Variants in ARID2 observed in about 807,000 individuals in gnomAD.
ARID2 encodes AT-rich interactive domain-containing protein 2.
A neutral mutation model predicts 184.6 loss-of-function variants in ARID2; 32 were observed. That is an observed-to-expected ratio of 0.17 (90% CI 0.13 to 0.23). The LOEUF is 0.23. ARID2 is among the 10% of genes least tolerant of loss of function. The probability of loss-of-function intolerance (pLI) is 1.00; values close to 1 mark genes in which losing one functional copy is unlikely to be tolerated. For missense variants in ARID2, 1,696 were observed against 2,197.6 expected (o/e 0.77, Z 4.56); for synonymous variants, 836 against 772.6 (o/e 1.08, Z -1.36).
At chr12:45,832,024 CCA>C (rs764583318) in intron 6 of ARID2, among the ~76,000 whole-genome samples, 6 of 152,092 alleles carry the variant, frequency 3.9e-5, no homozygotes, top group Non-Finnish European at 7.4e-5. Flanking sequence ...TTCCTCCTCC[CCA>C]CAGTCTGCCT....
At chr12:45,854,368 A>G (rs1286803020) in intron 15 of ARID2, among the ~76,000 whole-genome samples, 1 of 152,178 alleles carries the variant, frequency 6.6e-6, no homozygotes, top group Non-Finnish European at 1.5e-5. Context: ...ATTGTCCTCC[A>G]TGAAACCGGT....
At chr12:45,843,621 T>C (rs1943391636) in intron 11 of ARID2, among the ~76,000 whole-genome samples, 1 of 152,114 alleles carries the variant, frequency 6.6e-6, no homozygotes, top group Non-Finnish European at 1.5e-5. Context: ...TCTCATGAGA[T>C]GCAGATGCTG....
chr12:45,899,651 G>A (rs1412427320), intron 20 of ARID2, among the ~76,000 whole-genome samples: 4 of 74,994 alleles, frequency 5.3e-5, no homozygotes, highest in Admixed American at 1.7e-4. Context: ...ATATATATTT[G>A]GTTATATATA....
chr12:45,772,682 G>A (rs1001888378), intron 3 of ARID2, among the ~76,000 whole-genome samples: 2 of 152,138 alleles, frequency 1.3e-5, no homozygotes, highest in Non-Finnish European at 2.9e-5. Flanking sequence ...TAAAAAAATT[G>A]CAGTTCATTA....
chr12:45,734,590 A>G (rs1451368077), intron 3 of ARID2, among the ~76,000 whole-genome samples: 1 of 151,896 alleles, frequency 6.6e-6, no homozygotes, highest in Non-Finnish European at 1.5e-5. Flanking sequence ...AAAAAAAATT[A>G]AATGGCTTAG....
rs2136462923 is a variant in ARID2, at chr12:45,893,647, A to T, written c.5289A>T (p.Pro1763=). The change falls in exon 20 of 21, where the codon CCA becomes CCT. Residue 1763 remains proline (P), a synonymous_variant. Coordinates refer to ENST00000334344, the MANE Select transcript of ARID2 (RefSeq NM_152641.4). ...TTTTTAAGGATGAAAAAGAGGGACC[A>T]ATAACTAAACACATCCGACTAACAG... ...FRDFTDEKEG[P]ITKHIRLTAA... 1 of 1,606,260 alleles carries T rather than the reference A, an allele frequency of 6.2e-7. No homozygotes were observed. Among genetic ancestry groups the T allele is most frequent in the East Asian group, 2.2e-5 (1 of 44,810 alleles).
At position 45,867,884 on chromosome 12, in the gene ARID2, C is replaced by G. The variant is rs1012301316; in HGVS notation, c.4922+6935C>G. Among the ~76,000 whole-genome samples the G allele has an allele frequency of 4.6e-5, 7 of 152,154 alleles. 1 individual carries two copies. Among genetic ancestry groups the G allele is most frequent in the Admixed American group, 2.0e-4 (3 of 15,270 alleles). On this transcript the variant is annotated intron_variant, in intron 16 of 20. Transcript: ENST00000334344. ...GGGATTACAGGCATGAGCCACTGCA[C>G]CTGACCACTCTATGGGTTTTGACAA... is the stretch of plus-strand genomic sequence containing the variant.
At chr12:45,765,974 C>T (rs1236752026) in intron 3 of ARID2, among the ~76,000 whole-genome samples, 1 of 151,956 alleles carries the variant, frequency 6.6e-6, no homozygotes, top group Non-Finnish European at 1.5e-5. Context: ...GAAATTGATC[C>T]ATGTTGTTTC....
At chr12:45,899,674 TATATGGTTA>T (rs1944425452) in intron 20 of ARID2, among the ~76,000 whole-genome samples, 3 of 73,610 alleles carry the variant, frequency 4.1e-5, no homozygotes, top group Non-Finnish European at 9.5e-5. Flanking sequence ...TATATGGTTA[TATATGGTTA>T]TATATATATG....
At chr12:45,834,272 T>C (rs981279733) in intron 6 of ARID2, among the ~76,000 whole-genome samples, 18 of 152,172 alleles carry the variant, frequency 1.2e-4, no homozygotes, top group African/African-American at 4.1e-4. Flanking sequence ...TTTTTTTTTT[T>C]CTACCCCATG....
At chr12:45,875,081 C>G (rs148466033) in intron 16 of ARID2, among the ~76,000 whole-genome samples, 30 of 152,244 alleles carry the variant, frequency 2.0e-4, no homozygotes, top group African/African-American at 7.2e-4. Context: ...GGAGATGTAC[C>G]ACTACACTCC....
chr12:45,831,757 T>C (rs1050948045), intron 6 of ARID2, among the ~76,000 whole-genome samples: 1 of 152,220 alleles, frequency 6.6e-6, no homozygotes, highest in Non-Finnish European at 1.5e-5. Flanking sequence ...AATCATCAAC[T>C]GTAATTATGA....
intron 11 of ARID2, chr12:45,842,287 A>G (rs1443620398): frequency 1.3e-5 from 2 of 150,956 alleles, no homozygotes; most frequent in Non-Finnish European, 3.0e-5. Flanking sequence ...ATACACACAC[A>G]TATGTGTGTG....
intron 16 of ARID2, among the ~76,000 whole-genome samples, chr12:45,868,092 G>A (rs898426467): frequency 7.2e-5 from 11 of 152,134 alleles, no homozygotes; most frequent in East Asian, 1.9e-4. Flanking sequence ...CGTGTCATTT[G>A]CTCATTCTTT....
intron 16 of ARID2, among the ~76,000 whole-genome samples, chr12:45,863,030 GA>G (rs1943775419): frequency 6.6e-6 from 1 of 152,114 alleles, no homozygotes; most frequent in Middle Eastern, 3.2e-3. Context: ...AGTCCTGAGG[GA>G]CACAGACCAA....
In ARID2 at chr12:45,730,095, C is replaced by T. The variant is rs1373206642; in HGVS notation, c.144C>T (p.His48=). 1 of 1,613,614 alleles carries T rather than the reference C, an allele frequency of 6.2e-7. No individual in the cohort carries two copies. Residue 48 remains histidine, a synonymous_variant, in exon 2 of 21, where the codon CAC becomes CAT. Transcript: ENST00000334344. The stretch of plus-strand genomic sequence containing the variant: ...TGGGTGGGAAGGAGCTGGATCTTCA[C>T]GGTCTCTACACCAGAGTCACTACTT... ...PAVGGKELDL[H]GLYTRVTTLG... is the part of the protein sequence containing the mutation.
At chr12:45,870,333 A>G (rs962263350) in intron 16 of ARID2, among the ~76,000 whole-genome samples, 3 of 152,150 alleles carry the variant, frequency 2.0e-5, no homozygotes, top group Admixed American at 1.3e-4. Context: ...GGAAAAATCG[A>G]GCAGACAGAA....
chr12:45,738,153 G>A (rs1186410376), intron 3 of ARID2, among the ~76,000 whole-genome samples: 1 of 151,770 alleles, frequency 6.6e-6, no homozygotes, highest in Non-Finnish European at 1.5e-5. Context: ...GAATTTACTG[G>A]ATGCTTGTTT....
Position 45,837,312 on chromosome 12 carries a change from T to C in ARID2, c.1024-9T>C, listed in dbSNP as rs752792739. 1 of 1,590,612 alleles carries C rather than the reference T, an allele frequency of 6.3e-7. No homozygotes were observed. The highest frequency in any genetic ancestry group is 1.2e-5 in the South Asian group (1 of 86,246). On this transcript the variant is annotated splice_polypyrimidine_tract_variant and intron_variant, in intron 8 of 20. Coordinates refer to ENST00000334344, the MANE Select transcript of ARID2 (RefSeq NM_152641.4). The stretch of plus-strand genomic sequence containing the variant: ...CATAGCTCAATAATAGTGTTGTTTC[T>C]TTTTCCAGCTTTTACTGGACCCTGT...
Sources: allele counts gnomAD v4.1 joint callset (sites outside exome capture counted in the v4.1 genomes callset), GRCh38; gene constraint gnomAD v4.1.1; transcripts MANE v1.5; gene names NCBI Gene and HGNC (gene_info 2026-07-23, HGNC 2026-07-21).